PDS5A: variants seen among roughly 807,000 people sequenced by gnomAD.
PDS5A encodes PDS5 cohesin associated factor A.
A neutral mutation model predicts 167.1 loss-of-function variants in PDS5A; 42 were observed. The observed-to-expected ratio is 0.25, with a 90% CI of 0.20 to 0.33. The LOEUF (loss-of-function observed/expected upper bound fraction) is 0.33. Ranked by LOEUF, PDS5A falls within the 10% of genes least tolerant of loss-of-function variation. PDS5A has a pLI of 1.00. For synonymous variants in PDS5A, 553 were observed against 554.6 expected (o/e 1.00, Z 0.04); for missense variants, 1,033 against 1,605.9 (o/e 0.64, Z 6.10).
At chr4:39,830,009 G>GCAGTATCAT in intron 32 of PDS5A, among the ~76,000 whole-genome samples, 1 of 141,576 alleles carries the variant, frequency 7.1e-6, no homozygotes, top group African/African-American at 2.7e-5. Flanking sequence ...ACCGCCATGA[G>GCAGTATCAT]CAGTATCATG....
intron 2 of PDS5A, among the ~76,000 whole-genome samples, chr4:39,951,942 G>A (rs1387171018): frequency 6.7e-6 from 1 of 148,630 alleles, no homozygotes; most frequent in Non-Finnish European, 1.5e-5. Context: ...AACACTACTG[G>A]TGATGACAAC....
chr4:39,930,246 A>AAG, intron 2 of PDS5A, among the ~76,000 whole-genome samples: 4 of 93,162 alleles, frequency 4.3e-5, no homozygotes, highest in African/African-American at 1.1e-4. Flanking sequence ...AAAAAAAAAA[A>AAG]GTTTTTTTGT....
rs199958246 is a variant in PDS5A at position 39,844,822 on chromosome 4, C to T, written c.3403-21G>A. The T allele has an allele frequency of 3.0e-5, 47 of 1,586,638 alleles. No individual in the cohort carries two copies. In the Middle Eastern group the frequency reaches 6.8e-4, roughly 23 times the overall value. ...TTTGGCTAAAAACAAAAACAAAAAA[C>T]CCCCCAAAAACACACACGTTTATAC... On this transcript the variant is annotated intron_variant, in intron 29 of 32. Coordinates refer to ENST00000303538, the MANE Select transcript of PDS5A (RefSeq NM_001100399.2).
chr4:39,865,115 T>A (rs1719317764), intron 23 of PDS5A, among the ~76,000 whole-genome samples: 2 of 152,158 alleles, frequency 1.3e-5, no homozygotes, highest in Admixed American at 1.3e-4. Context: ...TACTGAGGAA[T>A]GATTGCTTAT....
chr4:39,910,082 T>G, intron 10 of PDS5A, 162 bp downstream of exon 10: 1 of 472,786 alleles, frequency 2.1e-6, no homozygotes. Flanking sequence ...TAAATGTAAT[T>G]TTATTACATG....
intron 6 of PDS5A, among the ~76,000 whole-genome samples, chr4:39,921,954 T>G (rs1725018588): frequency 6.6e-6 from 1 of 152,158 alleles, no homozygotes; most frequent in African/African-American, 2.4e-5. Context: ...TGTGAATGAG[T>G]ATAATTGGAC....
At chr4:39,871,388 GA>G (rs968639300) in intron 21 of PDS5A, among the ~76,000 whole-genome samples, 1 of 152,058 alleles carries the variant, frequency 6.6e-6, no homozygotes, top group African/African-American at 2.4e-5. Flanking sequence ...CACATCTATC[GA>G]AAGTAAAAAT....
chr4:39,886,577 G>C (rs1721493883), intron 17 of PDS5A, among the ~76,000 whole-genome samples: 1 of 152,034 alleles, frequency 6.6e-6, no homozygotes, highest in African/African-American at 2.4e-5. Context: ...GGCAGGTGCA[G>C]TGGCGCATAA....
intron 10 of PDS5A, chr4:39,909,992 ATC>A (rs1723757263): frequency 6.2e-6 from 2 of 323,804 alleles, no homozygotes; most frequent in South Asian, 1.0e-4. Context: ...AATACTCGGG[ATC>A]TCAAAGTGAG....
At chr4:39,899,511 A>T (rs1012749176) in intron 14 of PDS5A, among the ~76,000 whole-genome samples, 1 of 152,154 alleles carries the variant, frequency 6.6e-6, no homozygotes, top group South Asian at 2.1e-4. Context: ...CACAGACTCT[A>T]TGCCTTGCAA....
chr4:39,948,856 C>G (rs968321359), intron 2 of PDS5A, among the ~76,000 whole-genome samples: 1 of 152,106 alleles, frequency 6.6e-6, no homozygotes, highest in African/African-American at 2.4e-5. Context: ...AATTCTTGAC[C>G]TCAGATTATC....
At chr4:39,878,932 C>T (rs762578076) in intron 18 of PDS5A, among the ~76,000 whole-genome samples, 2 of 151,988 alleles carry the variant, frequency 1.3e-5, no homozygotes, top group Non-Finnish European at 2.9e-5. Context: ...TTAGTAGAGA[C>T]GGGGTTTCCC....
chr4:39,949,226 C>A (rs1035208368), intron 2 of PDS5A, among the ~76,000 whole-genome samples: 1 of 137,540 alleles, frequency 7.3e-6, no homozygotes, highest in African/African-American at 2.7e-5. Flanking sequence ...TGCTTGAATG[C>A]GGGAGGTCGA....
intron 26 of PDS5A, among the ~76,000 whole-genome samples, chr4:39,857,401 G>T (rs1437979657): frequency 6.7e-6 from 1 of 148,446 alleles, no homozygotes; most frequent in Non-Finnish European, 1.5e-5. Flanking sequence ...TTACAAAAGA[G>T]AAGTCAGAAG....
intron 2 of PDS5A, among the ~76,000 whole-genome samples, chr4:39,954,670 T>TAAAAAAAA (rs777287409): frequency 3.1e-4 from 15 of 48,240 alleles, no homozygotes; most frequent in East Asian, 7.5e-4. Flanking sequence ...AAGAGATAAG[T>TAAAAAAAA]AAAAAAAAAA....
chr4:39,873,572 A>G (rs750016087), intron 20 of PDS5A, among the ~76,000 whole-genome samples: 1 of 151,998 alleles, frequency 6.6e-6, no homozygotes, highest in Non-Finnish European at 1.5e-5. Context: ...ATAGGAATAC[A>G]TTTCTAATAG....
chr4:39,858,632 CT>C (rs1052673321), intron 26 of PDS5A, among the ~76,000 whole-genome samples: 1 of 151,986 alleles, frequency 6.6e-6, no homozygotes, highest in African/African-American at 2.4e-5. Flanking sequence ...GTAAAATTTT[CT>C]TTTTTTTAAG....
chr4:39,925,120 C>A (rs1274917332), intron 5 of PDS5A, among the ~76,000 whole-genome samples: 3 of 151,694 alleles, frequency 2.0e-5, no homozygotes, highest in Non-Finnish European at 2.9e-5. Flanking sequence ...TCAAAAAAAA[C>A]AAAACAAAAC....
intron 2 of PDS5A, among the ~76,000 whole-genome samples, chr4:39,968,120 T>C (rs1730158654): frequency 6.6e-6 from 1 of 152,124 alleles, no homozygotes; most frequent in African/African-American, 2.4e-5. Context: ...GTGTATTTTA[T>C]TTTTTTAATT....
Sources: allele counts gnomAD v4.1 joint callset (sites outside exome capture counted in the v4.1 genomes callset), GRCh38; gene constraint gnomAD v4.1.1; transcripts MANE v1.5; gene names NCBI Gene and HGNC (gene_info 2026-07-23, HGNC 2026-07-21).